Variants in LUZP2 observed in about 807,000 individuals in gnomAD.
LUZP2 encodes the protein leucine zipper protein 2.
A neutral mutation model predicts 51.6 loss-of-function variants in LUZP2; 52 were observed. The ratio of observed to expected loss-of-function variants is 1.01; its 90% CI spans 0.81 to 1.27. The LOEUF (loss-of-function observed/expected upper bound fraction) is 1.27. Among genes scored for constraint, LUZP2 ranks in the 50% most tolerant of loss-of-function variants. The pLI is 0.00. For missense variants in LUZP2, 436 were observed against 395.4 expected, an observed-to-expected ratio of 1.10 and a Z score of -0.87; for synonymous variants, 154 against 137.3, an observed-to-expected ratio of 1.12 and a Z score of -0.85.
At chr11:24,602,230 A>G (rs1853733419) in intron 1 of LUZP2, among the ~76,000 whole-genome samples, 1 of 40,608 alleles carries the variant, frequency 2.5e-5, no homozygotes, top group African/African-American at 3.7e-5. Context: ...ATATGTACAT[A>G]TATGTGTATA....
chr11:24,926,613 G>GTATA (rs750907327), intron 7 of LUZP2, among the ~76,000 whole-genome samples: 4 of 144,094 alleles, frequency 2.8e-5, no homozygotes, highest in Non-Finnish European at 4.5e-5. Context: ...GTGTATATAT[G>GTATA]TATATATATA....
chr11:24,857,040 C>A (rs952617217), intron 5 of LUZP2, among the ~76,000 whole-genome samples: 3 of 151,874 alleles, frequency 2.0e-5, no homozygotes, highest in Non-Finnish European at 4.4e-5. Context: ...CACCACTATG[C>A]AATATATCCA....
At chr11:24,860,778 C>T (rs1851717209) in intron 5 of LUZP2, among the ~76,000 whole-genome samples, 1 of 151,818 alleles carries the variant, frequency 6.6e-6, no homozygotes, top group South Asian at 2.1e-4. Context: ...CAACAAAAGG[C>T]CCCCCCAAAA....
chr11:24,664,951 G>C (rs2133989824), intron 1 of LUZP2, among the ~76,000 whole-genome samples: 1 of 152,262 alleles, frequency 6.6e-6, no homozygotes, highest in South Asian at 2.1e-4. Flanking sequence ...CTGCCTGGTG[G>C]AGCTATGAAA....
intron 5 of LUZP2, among the ~76,000 whole-genome samples, chr11:24,794,321 A>G (rs553523045): frequency 6.6e-6 from 1 of 152,270 alleles, no homozygotes; most frequent in Non-Finnish European, 1.5e-5. Flanking sequence ...CTCTTTATGT[A>G]CAGAGATGAG....
chr11:24,964,296 T>C (rs977517631), intron 7 of LUZP2, among the ~76,000 whole-genome samples: 3 of 152,212 alleles, frequency 2.0e-5, no homozygotes, highest in African/African-American at 7.2e-5. Context: ...GTGATTGTTT[T>C]ATATAATCTC....
intron 1 of LUZP2, among the ~76,000 whole-genome samples, chr11:24,606,378 C>T (rs1378194807): frequency 1.3e-5 from 2 of 151,910 alleles, no homozygotes; most frequent in African/African-American, 2.4e-5. Context: ...TTAAAGTAGG[C>T]TATGCTAAGC....
At chr11:24,646,583 T>C in intron 1 of LUZP2, 1 of 985,112 alleles carries the variant, frequency 1.0e-6, no homozygotes. Context: ...ATATCCATAT[T>C]CAAGGAAGAA....
At position 24,983,196 on chromosome 11, in the gene LUZP2, C is replaced by A; in HGVS notation, c.668C>A (p.Pro223His). ...ACATCTGTTTTCCGTGATCAGCCTC[C>A]TCCCCCTTTGAGTTTAATCACATCA... ...CLTSVFRDQPPPPLSLITSNP... is the reference protein window; with the variant it reads ...CLTSVFRDQPHPPLSLITSNP... Residue 223 changes from proline (P) to histidine (H), a missense_variant, in exon 9 of 12, where the codon CCT becomes CAT. Coordinates refer to ENST00000336930, the MANE Select transcript of LUZP2 (RefSeq NM_001009909.4). The A allele has an allele frequency of 6.2e-7, 1 of 1,612,308 alleles. No individual in the cohort carries two copies. The highest frequency in any genetic ancestry group is 8.5e-7 in the Non-Finnish European group (1 of 1,178,850).
intron 1 of LUZP2, among the ~76,000 whole-genome samples, chr11:24,623,521 C>T (rs73433100): frequency 0.18 from 27,837 of 152,002 alleles, 2,864 homozygotes; most frequent in African/African-American, 0.27. Context: ...CTGGAAATGT[C>T]GTATCACAGC....
At chr11:24,688,377 T>A (rs1248808162) in intron 1 of LUZP2, among the ~76,000 whole-genome samples, 1 of 152,132 alleles carries the variant, frequency 6.6e-6, no homozygotes, top group African/African-American at 2.4e-5. Context: ...TCAGGAAGAC[T>A]GTTTTGGAAG....
intron 5 of LUZP2, among the ~76,000 whole-genome samples, chr11:24,898,509 G>A (rs894370556): frequency 6.6e-6 from 1 of 151,962 alleles, no homozygotes; most frequent in African/African-American, 2.4e-5. Flanking sequence ...CTGTAGTCCC[G>A]CTACGCGGGA....
chr11:24,960,795 A>C (rs1565161375), intron 7 of LUZP2, among the ~76,000 whole-genome samples: 1 of 151,728 alleles, frequency 6.6e-6, no homozygotes, highest in Non-Finnish European at 1.5e-5. Context: ...CTAGCTTTTG[A>C]ATGTGTTTGC....
intron 9 of LUZP2, among the ~76,000 whole-genome samples, chr11:25,009,106 G>A (rs1856915026): frequency 6.6e-6 from 1 of 152,160 alleles, no homozygotes; most frequent in African/African-American, 2.4e-5. Context: ...TAATGTGAAA[G>A]TCCAGAATAA....
chr11:25,040,342 G>GCTTTTTTTTTTTTTTTTTTTTTTT (rs1491549909), intron 9 of LUZP2, among the ~76,000 whole-genome samples: 1 of 34,028 alleles, frequency 2.9e-5, no homozygotes, highest in African/African-American at 3.4e-4. Flanking sequence ...CTTTCTTTCC[G>GCTTTTTTTTTTTTTTTTTTTTTTT]ATTTTTTTTT....
intron 1 of LUZP2, among the ~76,000 whole-genome samples, chr11:24,712,514 A>G (rs190144045): frequency 7.7e-4 from 117 of 152,318 alleles, no homozygotes; most frequent in African/African-American, 2.7e-3. Context: ...ACTAGGAGAA[A>G]GCATCAGGGT....
At chr11:24,720,167 C>A (rs1008007489) in intron 1 of LUZP2, among the ~76,000 whole-genome samples, 14 of 151,934 alleles carry the variant, frequency 9.2e-5, no homozygotes, top group African/African-American at 3.4e-4. Context: ...GATTTGCAGG[C>A]CATATTATTT....
chr11:24,912,154 TCTCTTTCCTC>T (rs1268133284), intron 6 of LUZP2, among the ~76,000 whole-genome samples: 2 of 151,586 alleles, frequency 1.3e-5, no homozygotes, highest in Non-Finnish European at 2.9e-5. Flanking sequence ...TCTTCCTTCC[TCTCTTTCCTC>T]CTCTTTCCTT....
intron 5 of LUZP2, among the ~76,000 whole-genome samples, chr11:24,833,644 G>C (rs1360126468): frequency 6.6e-6 from 1 of 152,010 alleles, no homozygotes; most frequent in Admixed American, 6.6e-5. Flanking sequence ...CAGAATTTCA[G>C]TGTAGTGGAG....
Sources: gnomAD v4.1 joint callset for allele counts (sites outside exome capture counted in the v4.1 genomes callset) on GRCh38, gnomAD v4.1.1 for gene constraint, MANE v1.5 for transcripts, NCBI Gene and HGNC (gene_info 2026-07-23, HGNC 2026-07-21) for gene names.